Variants in LRMDA observed in about 807,000 individuals in gnomAD.
LRMDA encodes leucine-rich melanocyte differentiation-associated protein.
A neutral mutation model predicts 29.8 loss-of-function variants in LRMDA; 18 were observed. That is an observed-to-expected ratio of 0.60 (90% confidence interval 0.42 to 0.90). LRMDA has a LOEUF of 0.90. Ranked by LOEUF, LRMDA falls within the 40% of genes least tolerant of loss-of-function variation. The pLI, the probability that LRMDA is intolerant of heterozygous loss-of-function variation, is 0.00. For missense variants in LRMDA, 273 were observed against 273.9 expected, an observed-to-expected ratio of 1.00 and a Z score of 0.02; for synonymous variants, 125 against 109.4, an observed-to-expected ratio of 1.14 and a Z score of -0.89.
At chr10:76,197,623 A>G (rs1021987447) in intron 5 of LRMDA, among the ~76,000 whole-genome samples, 2 of 152,178 alleles carry the variant, frequency 1.3e-5, no homozygotes, top group African/African-American at 4.8e-5. Flanking sequence ...TTAGCTGTTT[A>G]AAATGTTAGT....
At chr10:76,554,229 G>A in intron 6 of LRMDA, among the ~76,000 whole-genome samples, 1 of 152,194 alleles carries the variant, frequency 6.6e-6, no homozygotes, top group East Asian at 1.9e-4. Context: ...GCCGCAGGCA[G>A]CGTTAGAATA....
intron 5 of LRMDA, among the ~76,000 whole-genome samples, chr10:76,132,348 A>G (rs957175909): frequency 6.6e-6 from 1 of 152,124 alleles, no homozygotes; most frequent in Non-Finnish European, 1.5e-5. Context: ...ATGCCTGGCT[A>G]TTAGGATCGA....
chr10:75,765,993 G>A (rs989646276), intron 2 of LRMDA, among the ~76,000 whole-genome samples: 3 of 152,180 alleles, frequency 2.0e-5, no homozygotes, highest in Non-Finnish European at 2.9e-5. Flanking sequence ...GAGATGGTGA[G>A]GAGGGCGTGG....
chr10:75,972,377 G>GA (rs909346496), intron 2 of LRMDA, among the ~76,000 whole-genome samples: 1 of 151,768 alleles, frequency 6.6e-6, no homozygotes, highest in Admixed American at 6.6e-5. Context: ...GTGTCCCAAG[G>GA]AAAAAACTTG....
chr10:76,413,922 G>C (rs889331360), intron 6 of LRMDA, among the ~76,000 whole-genome samples: 4 of 152,128 alleles, frequency 2.6e-5, no homozygotes, highest in Admixed American at 2.6e-4. Flanking sequence ...AATCCTATGA[G>C]GTTAGCCCAT....
intron 6 of LRMDA, among the ~76,000 whole-genome samples, chr10:76,490,525 A>T (rs1842823539): frequency 6.6e-6 from 1 of 151,936 alleles, no homozygotes; most frequent in Non-Finnish European, 1.5e-5. Flanking sequence ...CTTTTTCATT[A>T]TACAGTGATC....
At chr10:76,493,272 T>C (rs1337717607) in intron 6 of LRMDA, among the ~76,000 whole-genome samples, 1 of 152,008 alleles carries the variant, frequency 6.6e-6, no homozygotes, top group African/African-American at 2.4e-5. Flanking sequence ...CCGCTCCCTA[T>C]TGTCACCATT....
intron 2 of LRMDA, among the ~76,000 whole-genome samples, chr10:75,830,437 GA>G (rs1250534283): frequency 6.6e-6 from 1 of 152,190 alleles, no homozygotes; most frequent in East Asian, 1.9e-4. Context: ...ATGTACAAAA[GA>G]AATAGGTTTA....
At chr10:76,494,368 A>T (rs1907326) in intron 6 of LRMDA, among the ~76,000 whole-genome samples, 99,688 of 149,916 alleles carry the variant, frequency 0.66, 35,216 homozygotes, top group Non-Finnish European at 0.81. Context: ...TTTGTAATTT[A>T]AAAAAATTTT....
intron 6 of LRMDA, among the ~76,000 whole-genome samples, chr10:76,343,840 T>C (rs1188799007): frequency 7.0e-6 from 1 of 143,488 alleles, no homozygotes. Context: ...TTTTGTGAGA[T>C]GGAATCTTGC....
intron 2 of LRMDA, among the ~76,000 whole-genome samples, chr10:75,599,638 A>G (rs1840855136): frequency 6.6e-6 from 1 of 152,204 alleles, no homozygotes. Context: ...TGTAGATCCA[A>G]GCTGCGCTGC....
At chr10:75,691,061 C>CTA (rs1842141329) in intron 2 of LRMDA, among the ~76,000 whole-genome samples, 2 of 128,506 alleles carry the variant, frequency 1.6e-5, no homozygotes, top group Admixed American at 7.6e-5. Context: ...AGATATATAT[C>CTA]TGCCATAGAT....
chr10:75,763,163 T>C (rs1843118508), intron 2 of LRMDA, among the ~76,000 whole-genome samples: 1 of 152,232 alleles, frequency 6.6e-6, no homozygotes, highest in South Asian at 2.1e-4. Flanking sequence ...CAAGTTTTAT[T>C]TGTGAAAAGT....
intron 2 of LRMDA, among the ~76,000 whole-genome samples, chr10:75,706,340 G>T (rs1003417260): frequency 4.0e-5 from 6 of 151,842 alleles, no homozygotes; most frequent in Non-Finnish European, 8.8e-5. Context: ...TATAATCCCA[G>T]GTATAGAAAT....
intron 2 of LRMDA, among the ~76,000 whole-genome samples, chr10:75,933,869 G>A (rs1038775709): frequency 1.2e-4 from 18 of 152,158 alleles, no homozygotes; most frequent in African/African-American, 4.3e-4. Context: ...GGTTTTAGAA[G>A]ACTGCTTATC....
intron 5 of LRMDA, among the ~76,000 whole-genome samples, chr10:76,226,085 C>T (rs1851952092): frequency 6.6e-6 from 1 of 152,002 alleles, no homozygotes; most frequent in African/African-American, 2.4e-5. Flanking sequence ...CATAGTATTC[C>T]ATGGTGTATA....
At chr10:75,669,199 G>A (rs961497503) in intron 2 of LRMDA, among the ~76,000 whole-genome samples, 6 of 152,176 alleles carry the variant, frequency 3.9e-5, no homozygotes, top group Admixed American at 1.3e-4. Flanking sequence ...CGTTCCTGAG[G>A]GTATGAGTTT....
At chr10:75,764,968 T>G (rs1843144606) in intron 2 of LRMDA, among the ~76,000 whole-genome samples, 1 of 149,726 alleles carries the variant, frequency 6.7e-6, no homozygotes, top group African/African-American at 2.5e-5. Flanking sequence ...TGTGTGTGTG[T>G]TCATAGCATC....
At position 76,149,217 on chromosome 10, in the gene LRMDA, C is replaced by G. The variant is rs183499337; in HGVS notation, c.516+90434C>G. Among the ~76,000 whole-genome samples, 39 of 152,274 alleles carry G rather than the reference C, an allele frequency of 2.6e-4. No individual in the cohort carries two copies. The East Asian group carries it at 6.7e-3, about 26-fold the overall frequency. The stretch of plus-strand genomic sequence containing the variant: ...AACAAAGCAGTAGATTACTGTAAAG[C>G]TATAAAACACAAATTAAATAATATG... On this transcript the variant is annotated intron_variant, in intron 5 of 6. Transcript: ENST00000611255.
Sources: allele counts gnomAD v4.1 joint callset (sites outside exome capture counted in the v4.1 genomes callset), GRCh38; gene constraint gnomAD v4.1.1; transcripts MANE v1.5; gene names NCBI Gene and HGNC (gene_info 2026-07-23, HGNC 2026-07-21).